The following USF3 variants were observed in gnomAD, a reference collection of about 807,000 sequenced individuals.
USF3 encodes the protein upstream transcription factor family member 3.
Under a neutral mutation model 157.5 loss-of-function variants are expected in USF3, and 29 were observed. The ratio of observed to expected loss-of-function variants is 0.18; its 90% CI spans 0.14 to 0.25. The LOEUF (loss-of-function observed/expected upper bound fraction) is 0.25, where lower values mean the gene tolerates loss of function less well. Ranked by LOEUF, USF3 falls within the 10% of genes least tolerant of loss-of-function variation. The pLI is 1.00. For synonymous variants in USF3, 893 were observed against 941.4 expected (o/e 0.95, Z 0.94); for missense variants, 2,381 against 2,667.6 (o/e 0.89, Z 2.37).
At chr3:113,687,572 T>A (rs1707586560) in intron 1 of USF3, among the ~76,000 whole-genome samples, 1 of 152,190 alleles carries the variant, frequency 6.6e-6, no homozygotes, top group South Asian at 2.1e-4. Flanking sequence ...TAAGCATGAG[T>A]TTATACTTAC....
In USF3 at chr3:113,649,517, G is replaced by GC. The variant is rs1947224296; in HGVS notation, c.*5426_*5427insG. On this transcript the variant is annotated 3_prime_UTR_variant, in exon 7 of 7. Coordinates refer to ENST00000316407, the MANE Select transcript of USF3 (RefSeq NM_001009899.4). ...CTACTAGGTTTTTTTTTTGTTTTTT[G>GC]TTTTTTTTTACAAATCAACATCAAA... 7.7e-6 allele frequency: 2 copies of GC among 258,306 alleles called. No individual in the cohort carries two copies. The highest frequency in any genetic ancestry group is 6.6e-5 in the East Asian group (1 of 15,044). The allele number at this position is 258,306 out of a possible 1,614,324, so 16.0% of individuals were successfully genotyped here.
chr3:113,668,948 T>C (rs1337937623), intron 5 of USF3, among the ~76,000 whole-genome samples: 2 of 152,032 alleles, frequency 1.3e-5, no homozygotes, highest in Non-Finnish European at 2.9e-5. Flanking sequence ...CAAATGAAAA[T>C]TATGTAGTAC....
chr3:113,658,955 G>A lies in USF3; in HGVS notation c.2727C>T (p.Ser909=), dbSNP rs1379901349. The A allele has an allele frequency of 1.2e-5, 19 of 1,614,140 alleles. No homozygotes were observed. Among genetic ancestry groups the A allele is most frequent in the Non-Finnish European group, 1.5e-5 (18 of 1,180,026 alleles). Residue 909 remains serine, a synonymous_variant, in exon 7 of 7, where the codon TCC becomes TCT. Coordinates refer to ENST00000316407, the MANE Select transcript of USF3 (RefSeq NM_001009899.4). ...SEHFAMAAAK[S]KDSTPNLQQE... Reference sequence around the variant, plus strand: ...GTTGTAGATTAGGGGTAGAATCTTTGGATTTTGCTGCGGCCATTGCAAAAT... The same window carrying A: ...GTTGTAGATTAGGGGTAGAATCTTTAGATTTTGCTGCGGCCATTGCAAAAT...
chr3:113,670,576 C>T (rs1010986932), intron 4 of USF3, among the ~76,000 whole-genome samples: 8 of 150,358 alleles, frequency 5.3e-5, no homozygotes, highest in Admixed American at 4.0e-4. Flanking sequence ...CTCCACCCTG[C>T]GTGACAGAAC....
rs374900971 is a variant in USF3 at position 113,657,464 on chromosome 3, G to A, written c.4218C>T (p.Asn1406=). ...DGLTRLFPPS[N]NFVTPALRQT... is the part of the protein sequence containing the mutation. ...GCCTCAATGCAGGAGTCACAAAGTT[G>A]TTACTAGGTGGAAATAATCGTGTAA... The change falls in exon 7 of 7, where the codon AAC becomes AAT. Residue 1406 remains asparagine (N), a synonymous_variant. Transcript: ENST00000316407. 6.2e-7 allele frequency: 1 copy of A among 1,614,130 alleles called. No homozygotes were observed. Among genetic ancestry groups the A allele is most frequent in the Non-Finnish European group, 8.5e-7 (1 of 1,180,030 alleles).
intron 1 of USF3, among the ~76,000 whole-genome samples, chr3:113,678,957 G>A (rs1404767856): frequency 1.3e-5 from 2 of 151,124 alleles, no homozygotes; most frequent in African/African-American, 4.9e-5. Flanking sequence ...ATGGTGTCCA[G>A]GCTGGTCTCT....
At chr3:113,667,407 C>T (rs1381659588) in intron 5 of USF3, among the ~76,000 whole-genome samples, 1 of 152,048 alleles carries the variant, frequency 6.6e-6, no homozygotes, top group Non-Finnish European at 1.5e-5. Context: ...CAGAGAAACT[C>T]GCAGGGATGA....
In USF3 at chr3:113,655,830, A is replaced by G. The variant is rs1186759659; in HGVS notation, c.5852T>C (p.Leu1951Ser). The G allele has an allele frequency of 3.1e-6, 5 of 1,614,080 alleles. No individual in the cohort carries two copies. The Admixed American group carries it at 8.3e-5, about 27-fold the overall frequency. The stretch of plus-strand genomic sequence containing the variant: ...TCCATGAGACACAGATGGATGTGGC[A>G]ACGCTGGCCTTGCAACCCCATGCAT... Reference protein sequence around the residue: ...TNMHGVARPALPHPSVSHGNG... With the variant: ...TNMHGVARPASPHPSVSHGNG... Residue 1951 changes from leucine (L) to serine (S), a missense_variant, in exon 7 of 7, where the codon TTG (leucine) becomes TCG (serine). This residue lies in a region of USF3 where 770 missense variants were observed against 824.2 expected (regional missense o/e 0.93). Transcript: ENST00000316407.
Position 113,655,960 on chromosome 3 carries a change from C to A in USF3, c.5722G>T (p.Gly1908Cys). Residue 1908 changes from glycine (G) to cysteine (C), a missense_variant, in exon 7 of 7, where the codon GGT becomes TGT. Coordinates refer to ENST00000316407, the MANE Select transcript of USF3 (RefSeq NM_001009899.4). ...GAAACATTGGGGCTTGTGTTTCGAC[C>A]TTGAATATCTCCTGAGGAAGAGGAA... ...SSSSSSGDIQ[G>C]RNTSPNVSVQ... The A allele has an allele frequency of 6.2e-7, 1 of 1,614,142 alleles. No individual in the cohort carries two copies. Among genetic ancestry groups the A allele is most frequent in the Non-Finnish European group, 8.5e-7 (1 of 1,180,010 alleles).
Position 113,658,246 on chromosome 3 carries a change from G to T in USF3, c.3436C>A (p.Leu1146Ile). ...TGGAGGCCAACTCTCCCCTTCTCAA[G>T]GTTCTCCTGGTCAAAAATAGCTCTT... is the stretch of plus-strand genomic sequence containing the variant. ...AARAIFDQEN[L>I]EKGRVGLQAD... Residue 1146 changes from leucine (L) to isoleucine (I), a missense_variant, in exon 7 of 7, where the codon CTT (leucine) becomes ATT (isoleucine). By Grantham distance (5) the Leu-to-Ile change is conservative. Transcript: ENST00000316407. The T allele has an allele frequency of 6.2e-7, 1 of 1,614,098 alleles. No homozygotes were observed. Among genetic ancestry groups the T allele is most frequent in the Non-Finnish European group, 8.5e-7 (1 of 1,179,998 alleles).
At chr3:113,678,448 CAGGAATT>C (rs1707332794) in intron 1 of USF3, among the ~76,000 whole-genome samples, 1 of 151,936 alleles carries the variant, frequency 6.6e-6, no homozygotes, top group Admixed American at 6.6e-5. Context: ...AGGTGAAAGC[CAGGAATT>C]TAACTGAAAG....
intron 2 of USF3, 66 bp from the exon 3 acceptor site, chr3:113,674,962 A>G (rs563172255): frequency 1.0e-6 from 1 of 960,328 alleles, no homozygotes; most frequent in Admixed American, 1.8e-5. Flanking sequence ...AAATTGGTCA[A>G]TAGCAATTTG....
Position 113,656,593 on chromosome 3 carries a change from G to C in USF3, c.5089C>G (p.Gln1697Glu). The change falls in exon 7 of 7, where the codon CAG (glutamine) becomes GAG (glutamate). Residue 1697 changes from glutamine (Q) to glutamate (E), a missense_variant. Coordinates refer to ENST00000316407, the MANE Select transcript of USF3 (RefSeq NM_001009899.4). ...TCAAGATAGCTTCTCATTTCAAGCT[G>C]ATCTGAAACTCTGGAACCCTGAATT... Reference protein sequence around the residue: ...ISIQGSRVSDQLEMRSYLDVP... With the variant: ...ISIQGSRVSDELEMRSYLDVP... 3 of 1,614,166 alleles carry C rather than the reference G, an allele frequency of 1.9e-6. No homozygotes were observed. The highest frequency in any genetic ancestry group is 8.5e-7 in the Non-Finnish European group (1 of 1,180,012).
intron 5 of USF3, among the ~76,000 whole-genome samples, chr3:113,666,801 G>T (rs1471194301): frequency 4.0e-5 from 6 of 150,664 alleles, no homozygotes; most frequent in African/African-American, 1.5e-4. Context: ...TGTTAACCAG[G>T]ATGGTCGTGA....
intron 5 of USF3, 123 bp from the exon 6 acceptor site, chr3:113,664,532 G>C (rs961062638): frequency 1.9e-6 from 1 of 538,314 alleles, no homozygotes; most frequent in Non-Finnish European, 3.3e-6. Context: ...TTTAAAACAG[G>C]CACTATATTC....
At chr3:113,662,883 T>C (rs777134492) in intron 6 of USF3, among the ~76,000 whole-genome samples, 3 of 151,994 alleles carry the variant, frequency 2.0e-5, no homozygotes, top group Non-Finnish European at 4.4e-5. Flanking sequence ...AGAGCAGTTA[T>C]GTAATTTGCC....
intron 5 of USF3, among the ~76,000 whole-genome samples, chr3:113,668,695 G>A (rs1479654054): frequency 2.0e-5 from 3 of 151,388 alleles, no homozygotes; most frequent in Non-Finnish European, 2.9e-5. Flanking sequence ...GAAATCAGAG[G>A]AAAAAAACAT....
chr3:113,682,834 G>T (rs1183872450), intron 1 of USF3, among the ~76,000 whole-genome samples: 3 of 147,684 alleles, frequency 2.0e-5, no homozygotes, highest in Non-Finnish European at 4.5e-5. Flanking sequence ...TTCAGTCTAT[G>T]TGTGTCTGTG....
chr3:113,675,461 G>GATATATAAAATATATA (rs1314334088), intron 2 of USF3, among the ~76,000 whole-genome samples: 3 of 152,032 alleles, frequency 2.0e-5, no homozygotes, highest in Admixed American at 6.6e-5. Context: ...TAAAATCTGG[G>GATATATAAAATATATA]TATGAAAATT....
Sources: allele counts gnomAD v4.1 joint callset (sites outside exome capture counted in the v4.1 genomes callset), GRCh38; gene constraint gnomAD v4.1.1; regional missense constraint gnomAD v4.1.1; transcripts MANE v1.5; gene names NCBI Gene and HGNC (gene_info 2026-07-23, HGNC 2026-07-21).